The following KIAA1217 variants were observed in gnomAD, a reference collection of about 807,000 sequenced individuals.
KIAA1217 encodes KIAA1217, also known as sickle tail protein homolog.
A neutral mutation model predicts 163.9 loss-of-function variants in KIAA1217; 88 were observed. That is an observed-to-expected ratio of 0.54 (90% CI 0.45 to 0.64). The LOEUF (loss-of-function observed/expected upper bound fraction) is 0.64, where lower values mean the gene tolerates loss of function less well. Ranked by LOEUF, KIAA1217 falls within the 30% of genes least tolerant of loss-of-function variation. KIAA1217 has a pLI of 0.00. For synonymous variants in KIAA1217, 903 were observed against 923.1 expected, an observed-to-expected ratio of 0.98 and a Z score of 0.39; for missense variants, 2,372 against 2,475.0, an observed-to-expected ratio of 0.96 and a Z score of 0.88.
rs945018423 is a variant in KIAA1217, at chr10:24,198,614, A to G, written c.-170-21012A>G. On this transcript the variant is annotated intron_variant, in intron 2 of 18. Transcript: ENST00000376462. ...AAAAAAAAAAAAGCATTTACTCAGGATCTGTGTGTGCCTCGGGCTGTGGTA... is the reference window on the plus strand; with the variant it reads ...AAAAAAAAAAAAGCATTTACTCAGGGTCTGTGTGTGCCTCGGGCTGTGGTA... 2.0e-5 allele frequency among the ~76,000 whole-genome samples: 3 copies of G among 150,372 alleles called. No individual in the cohort carries two copies. The South Asian group carries it at 6.3e-4, about 32-fold the overall frequency.
At chr10:24,055,668 G>A (rs1849840854) in intron 2 of KIAA1217, among the ~76,000 whole-genome samples, 2 of 151,992 alleles carry the variant, frequency 1.3e-5, no homozygotes, top group Non-Finnish European at 2.9e-5. Context: ...GAAGGTGAGG[G>A]CTTATTTGCT....
chr10:24,461,969 G>A (rs1404098687), intron 5 of KIAA1217, among the ~76,000 whole-genome samples: 1 of 152,022 alleles, frequency 6.6e-6, no homozygotes, highest in African/African-American at 2.4e-5. Flanking sequence ...AATGGTAAGG[G>A]ATTTTAATCA....
chr10:24,524,771 T>C lies in KIAA1217; in HGVS notation c.2898+7T>C, dbSNP rs1419286878. Reference sequence around the variant, plus strand: ...CAGGGCAGTGTCTATCGAGGTAGAGTCCTATTTCTGTTTCTCATAACCCCA... The same window carrying C: ...CAGGGCAGTGTCTATCGAGGTAGAGCCCTATTTCTGTTTCTCATAACCCCA... On this transcript the variant is annotated splice_region_variant and intron_variant, in intron 13 of 20. Transcript: ENST00000376454. 7 of 1,570,974 alleles carry C rather than the reference T, an allele frequency of 4.5e-6. No individual in the cohort carries two copies. Among genetic ancestry groups the C allele is most frequent in the Non-Finnish European group, 4.3e-6 (5 of 1,154,704 alleles).
chr10:23,880,073 G>A (rs1840883023), intron 1 of KIAA1217, among the ~76,000 whole-genome samples: 1 of 151,906 alleles, frequency 6.6e-6, no homozygotes, highest in Admixed American at 6.6e-5. Flanking sequence ...GGCTTTAGAT[G>A]AGAGAGGGCA....
chr10:24,400,618 C>A (rs1204820324), intron 3 of KIAA1217, among the ~76,000 whole-genome samples: 1 of 152,136 alleles, frequency 6.6e-6, no homozygotes, highest in Non-Finnish European at 1.5e-5. Context: ...TATTTGTGAA[C>A]AATACTAGAG....
At chr10:24,062,132 G>A (rs544712669) in intron 2 of KIAA1217, among the ~76,000 whole-genome samples, 27 of 151,772 alleles carry the variant, frequency 1.8e-4, no homozygotes, top group African/African-American at 5.6e-4. Flanking sequence ...TTTAGTTAAT[G>A]TATTCTTTTT....
rs768390097 is a variant in KIAA1217 at position 23,754,374 on chromosome 10, G to A, written c.-321+59140G>A. Among the ~76,000 whole-genome samples, 54 of 152,146 alleles carry A rather than the reference G, an allele frequency of 3.5e-4. 1 individual carries two copies. The highest frequency in any genetic ancestry group is 6.8e-4 in the Non-Finnish European group (46 of 68,040). ...AGGATGACTGTTCAGTGCCCCTCCT[G>A]GCACCATGTGACCCACATAAGGAGT... On this transcript the variant is annotated intron_variant, in intron 1 of 18. Transcript: ENST00000376462.
intron 1 of KIAA1217, among the ~76,000 whole-genome samples, chr10:23,980,915 A>G (rs1845738002): frequency 6.6e-6 from 1 of 152,144 alleles, no homozygotes; most frequent in Non-Finnish European, 1.5e-5. Context: ...ATAGAGATCA[A>G]TGGGTGTGGT....
At chr10:23,908,597 C>G (rs1010015778) in intron 1 of KIAA1217, among the ~76,000 whole-genome samples, 3 of 152,224 alleles carry the variant, frequency 2.0e-5, no homozygotes, top group Middle Eastern at 6.8e-3. Context: ...CAACCCAGCC[C>G]TGAGGTCTCA....
intron 1 of KIAA1217, among the ~76,000 whole-genome samples, chr10:23,950,714 T>G (rs1220595896): frequency 1.3e-5 from 2 of 151,740 alleles, no homozygotes; most frequent in Admixed American, 6.6e-5. Context: ...AGGGATGGGG[T>G]GGGGATGGCT....
chr10:24,066,305 G>A (rs2131615256), intron 2 of KIAA1217, among the ~76,000 whole-genome samples: 1 of 152,218 alleles, frequency 6.6e-6, no homozygotes, highest in East Asian at 1.9e-4. Context: ...CATGTTTAGT[G>A]CTTCCTTCAG....
intron 2 of KIAA1217, among the ~76,000 whole-genome samples, chr10:24,176,029 C>A (rs1240218852): frequency 6.6e-6 from 1 of 152,202 alleles, no homozygotes; most frequent in Admixed American, 6.5e-5. Context: ...CTGGCTCTGG[C>A]AACCTGCTTT....
At chr10:23,964,470 G>T (rs1014982632) in intron 1 of KIAA1217, among the ~76,000 whole-genome samples, 3 of 151,922 alleles carry the variant, frequency 2.0e-5, no homozygotes, top group African/African-American at 7.3e-5. Flanking sequence ...CATTGCTTTT[G>T]GTGTTTTAGT....
chr10:24,060,695 C>T (rs1279822744), intron 2 of KIAA1217, among the ~76,000 whole-genome samples: 1 of 152,120 alleles, frequency 6.6e-6, no homozygotes, highest in Non-Finnish European at 1.5e-5. Flanking sequence ...ACTTGGGAGG[C>T]TGAGGCAGGA....
intron 2 of KIAA1217, among the ~76,000 whole-genome samples, chr10:24,172,160 T>G (rs1454981306): frequency 1.3e-5 from 2 of 152,156 alleles, no homozygotes; most frequent in African/African-American, 4.8e-5. Flanking sequence ...AATTTGAAAT[T>G]CTTGGTTTCT....
intron 2 of KIAA1217, among the ~76,000 whole-genome samples, chr10:24,195,514 C>T (rs12262835): frequency 0.049 from 7,447 of 152,134 alleles, 586 homozygotes; most frequent in African/African-American, 0.16. Context: ...ATTGTTGGGA[C>T]TGGGGATAAG....
intron 1 of KIAA1217, among the ~76,000 whole-genome samples, chr10:23,697,810 A>G (rs1201818407): frequency 6.6e-6 from 1 of 151,980 alleles, no homozygotes; most frequent in African/African-American, 2.4e-5. Flanking sequence ...CCAGGAGGTC[A>G]AGGCTGCAGT....
chr10:24,434,642 C>T (rs2059882520), intron 4 of KIAA1217, among the ~76,000 whole-genome samples: 1 of 152,218 alleles, frequency 6.6e-6, no homozygotes, highest in African/African-American at 2.4e-5. Flanking sequence ...GGCTCAAAAG[C>T]ATCTTTATTG....
At chr10:23,936,091 CT>C (rs1843513882) in intron 1 of KIAA1217, among the ~76,000 whole-genome samples, 2 of 152,198 alleles carry the variant, frequency 1.3e-5, no homozygotes, top group Non-Finnish European at 2.9e-5. Context: ...TGAGGACCTT[CT>C]GTTAAAGCAC....
Sources: allele counts gnomAD v4.1 joint callset (sites outside exome capture counted in the v4.1 genomes callset), GRCh38; gene constraint gnomAD v4.1.1; transcripts MANE v1.5; gene names NCBI Gene and HGNC (gene_info 2026-07-23, HGNC 2026-07-21).